The following CEP112 variants were observed in gnomAD, a reference collection of about 807,000 sequenced individuals.
CEP112 encodes the protein centrosomal protein 112.
CEP112 carries 127 observed loss-of-function variants against 153.0 expected under a neutral mutation model. That is an observed-to-expected ratio of 0.83 (90% confidence interval 0.72 to 0.96). The LOEUF is 0.96. CEP112 is among the 40% of genes least tolerant of loss of function. The pLI is 0.00. For missense variants in CEP112, 1,089 were observed against 1,101.2 expected (o/e 0.99, Z 0.16); for synonymous variants, 358 against 374.4 (o/e 0.96, Z 0.51).
At chr17:65,784,413 T>G (rs139439430) in intron 21 of CEP112, among the ~76,000 whole-genome samples, 1 of 152,226 alleles carries the variant, frequency 6.6e-6, no homozygotes, top group African/African-American at 2.4e-5. Flanking sequence ...AAAGAACTAT[T>G]TGCCTCAGCT....
chr17:65,781,193 A>C (rs1224873980), intron 21 of CEP112, among the ~76,000 whole-genome samples: 1 of 152,164 alleles, frequency 6.6e-6, no homozygotes, highest in Non-Finnish European at 1.5e-5. Context: ...TCAATGTACA[A>C]AAATCAGTAG....
intron 23 of CEP112, among the ~76,000 whole-genome samples, chr17:65,736,169 T>C (rs1292730684): frequency 6.9e-6 from 1 of 143,896 alleles, no homozygotes; most frequent in African/African-American, 2.5e-5. Context: ...GGTATGAGTT[T>C]GGAGATATTT....
chr17:65,968,344 T>C (rs568637388), intron 17 of CEP112, among the ~76,000 whole-genome samples: 49 of 152,272 alleles, frequency 3.2e-4, no homozygotes, highest in African/African-American at 1.1e-3. Flanking sequence ...TATTTCAAAG[T>C]AACTGGAAAA....
intron 6 of CEP112, among the ~76,000 whole-genome samples, chr17:66,104,008 T>C (rs2068675059): frequency 6.6e-6 from 1 of 152,152 alleles, no homozygotes; most frequent in Admixed American, 6.5e-5. Context: ...ACCACCACCA[T>C]GGGCTAAAGT....
At chr17:65,982,848 G>T (rs948224379) in intron 17 of CEP112, among the ~76,000 whole-genome samples, 2 of 152,156 alleles carry the variant, frequency 1.3e-5, no homozygotes, top group African/African-American at 4.8e-5. Context: ...ACTAACTATG[G>T]TATATACACA....
At chr17:65,826,886 G>A (rs2146076559) in intron 21 of CEP112, among the ~76,000 whole-genome samples, 1 of 152,324 alleles carries the variant, frequency 6.6e-6, no homozygotes, top group South Asian at 2.1e-4. Context: ...GTGTCTGTGA[G>A]GGTGTTGGCA....
intron 17 of CEP112, among the ~76,000 whole-genome samples, chr17:65,991,164 A>G (rs2063580603): frequency 6.6e-6 from 1 of 152,194 alleles, no homozygotes; most frequent in Non-Finnish European, 1.5e-5. Context: ...ACAAAGAATA[A>G]ACTTTTTAAA....
chr17:65,906,850 T>C (rs2060102657), intron 19 of CEP112, among the ~76,000 whole-genome samples: 1 of 152,202 alleles, frequency 6.6e-6, no homozygotes, highest in Non-Finnish European at 1.5e-5. Flanking sequence ...AGATGGAATA[T>C]TTTTAGTTCT....
intron 21 of CEP112, among the ~76,000 whole-genome samples, chr17:65,760,094 A>G (rs559601721): frequency 3.0e-4 from 45 of 152,132 alleles, no homozygotes; most frequent in Non-Finnish European, 6.2e-4. Flanking sequence ...AAAGCAGTTG[A>G]TTTTTATTTA....
At chr17:65,996,959 A>T (rs2063813873) in intron 17 of CEP112, among the ~76,000 whole-genome samples, 3 of 152,214 alleles carry the variant, frequency 2.0e-5, no homozygotes, top group Admixed American at 6.5e-5. Flanking sequence ...CTGTAATCCC[A>T]GCACTTTGGG....
At chr17:65,819,100 G>A (rs1225029952) in intron 21 of CEP112, among the ~76,000 whole-genome samples, 2 of 151,770 alleles carry the variant, frequency 1.3e-5, no homozygotes, top group East Asian at 3.8e-4. Flanking sequence ...ACTGAATCTT[G>A]TTTTAATTGT....
intron 6 of CEP112, among the ~76,000 whole-genome samples, chr17:66,120,595 G>C (rs560097890): frequency 2.6e-5 from 4 of 152,300 alleles, no homozygotes; most frequent in African/African-American, 9.6e-5. Flanking sequence ...TTGGTAGTTT[G>C]TGTTGCTCAA....
intron 8 of CEP112, among the ~76,000 whole-genome samples, chr17:66,085,855 T>C (rs2067904961): frequency 6.6e-6 from 1 of 151,944 alleles, no homozygotes; most frequent in Non-Finnish European, 1.5e-5. Context: ...CGCACACCTG[T>C]AATCCCAGCT....
chr17:65,635,997 A>C, intron 26 of CEP112, 23 bp from the exon 27 acceptor site: 2 of 1,595,650 alleles, frequency 1.3e-6, no homozygotes, highest in Non-Finnish European at 1.7e-6. Context: ...AATCGCAGTC[A>C]CGACTTTCTC....
At chr17:66,040,777 A>G (rs977034567) in intron 12 of CEP112, among the ~76,000 whole-genome samples, 1 of 152,202 alleles carries the variant, frequency 6.6e-6, no homozygotes, top group Non-Finnish European at 1.5e-5. Flanking sequence ...GGCATAGGCC[A>G]CCATGCCAGC....
intron 23 of CEP112, among the ~76,000 whole-genome samples, chr17:65,715,980 C>G (rs966212693): frequency 6.6e-6 from 1 of 152,144 alleles, no homozygotes. Flanking sequence ...TTGATTACTT[C>G]TAAGCATGTA....
At chr17:65,887,693 G>C (rs761754543) in intron 20 of CEP112, among the ~76,000 whole-genome samples, 10 of 152,158 alleles carry the variant, frequency 6.6e-5, no homozygotes, top group Non-Finnish European at 1.2e-4. Context: ...AAGAGACCTA[G>C]GAAGCAGAGA....
At chr17:65,688,960 G>T in intron 24 of CEP112, 169 bp downstream of exon 24, 1 of 493,978 alleles carries the variant, frequency 2.0e-6, no homozygotes. Context: ...TAGAGACAGG[G>T]TTTCACCATG....
chr17:66,188,400 C>A (rs1406585702), intron 1 of CEP112, among the ~76,000 whole-genome samples: 1 of 143,014 alleles, frequency 7.0e-6, no homozygotes, highest in Non-Finnish European at 1.5e-5. Flanking sequence ...TGGTCAAACC[C>A]CCCCCCACCC....
Sources: gnomAD v4.1 joint callset for allele counts (sites outside exome capture counted in the v4.1 genomes callset) on GRCh38, gnomAD v4.1.1 for gene constraint, MANE v1.5 for transcripts, NCBI Gene and HGNC (gene_info 2026-07-23, HGNC 2026-07-21) for gene names.